Variants in DLG5 observed in about 807,000 individuals in gnomAD.
The protein encoded by DLG5 is disks large homolog 5.
DLG5 carries 48 observed loss-of-function variants against 189.8 expected under a neutral mutation model. The observed-to-expected ratio is 0.25, with a 90% CI of 0.20 to 0.32. The LOEUF (loss-of-function observed/expected upper bound fraction) is 0.32. Ranked by LOEUF, DLG5 falls within the 10% of genes least tolerant of loss-of-function variation. The pLI is 1.00. For synonymous variants in DLG5, 1,016 were observed against 1,054.1 expected (o/e 0.96, Z 0.70); for missense variants, 2,160 against 2,544.7 (o/e 0.85, Z 3.25).
At chr10:77,906,339 A>G (rs1009475382) in intron 1 of DLG5, among the ~76,000 whole-genome samples, 2 of 152,252 alleles carry the variant, frequency 1.3e-5, no homozygotes, top group Non-Finnish European at 2.9e-5. Flanking sequence ...GTTGTGTTCC[A>G]GTATGGATTC....
At chr10:77,935,301 T>G in the DLG5 span, among the ~76,000 whole-genome samples, 2 of 152,090 alleles carry the variant, frequency 1.3e-5, no homozygotes, top group Non-Finnish European at 2.9e-5. Flanking sequence ...CCTACCTGCC[T>G]AGATATTGCC....
rs564493812 is a variant in DLG5 at position 77,911,745 on chromosome 10, C to T, written c.304+14472G>A. On this transcript the variant is annotated intron_variant, in intron 1 of 31. Transcript: ENST00000372391. Reference sequence around the variant, plus strand: ...GGCCACCAGGGCAGCAGCTCTGAGTCAGAGATGGCCATCTCTAATGGCACC... The same window carrying T: ...GGCCACCAGGGCAGCAGCTCTGAGTTAGAGATGGCCATCTCTAATGGCACC... 1.7e-3 allele frequency among the ~76,000 whole-genome samples: 264 copies of T among 152,230 alleles called. 1 individual carries two copies. Among genetic ancestry groups the T allele is most frequent in the African/African-American group, 6.1e-3 (253 of 41,538 alleles).
At chr10:77,814,153 T>A (rs1229675068) in intron 20 of DLG5, among the ~76,000 whole-genome samples, 1 of 151,998 alleles carries the variant, frequency 6.6e-6, no homozygotes, top group Non-Finnish European at 1.5e-5. Context: ...AATTTTTGTA[T>A]TTTTAGTAGA....
chr10:77,796,091 A>G lies in DLG5; in HGVS notation c.5406T>C (p.Thr1802=). The G allele has an allele frequency of 1.9e-6, 3 of 1,614,232 alleles. No individual in the cohort carries two copies. The highest frequency in any genetic ancestry group is 2.5e-6 in the Non-Finnish European group (3 of 1,180,042). ...CTGTGATCTCCTTTATTGACGCCAC[A>G]GTGGTCACATCGAAATGGCCGCTTC... ...KRRSGHFDVT[T]VASIKEITEK... Residue 1802 remains threonine (T), a synonymous_variant, in exon 29 of 32, where the codon ACT becomes ACC. Transcript: ENST00000372391. This position sits in a 1 kb window ranked among gnomAD's most constrained non-coding sequence, Gnocchi z 5.2.
intron 1 of DLG5, chr10:77,869,424 G>A (rs562091484): frequency 2.6e-4 from 134 of 507,418 alleles, no homozygotes; most frequent in African/African-American, 2.1e-3. Flanking sequence ...CTGGGCAGGC[G>A]GGCAGAGGGG....
chr10:77,894,201 C>G (rs973906607), intron 1 of DLG5, among the ~76,000 whole-genome samples: 1 of 152,194 alleles, frequency 6.6e-6, no homozygotes, highest in African/African-American at 2.4e-5. Flanking sequence ...GAGGGGCTAC[C>G]TGTGTGAGCT....
chr10:77,809,426 G>T, intron 24 of DLG5, 121 bp downstream of exon 24: 1 of 1,149,658 alleles, frequency 8.7e-7, no homozygotes, highest in South Asian at 1.5e-5. Context: ...ACAAAAGTCA[G>T]CCCTGACTGG....
At chr10:77,904,097 CTTGAGTCCAAGAGT>C (rs1014796430) in intron 1 of DLG5, among the ~76,000 whole-genome samples, 3 of 152,196 alleles carry the variant, frequency 2.0e-5, no homozygotes, top group Non-Finnish European at 2.9e-5. Context: ...GGGAGGATAA[CTTGAGTCCAAGAGT>C]TTGAGGCTGT....
intron 3 of DLG5, among the ~76,000 whole-genome samples, chr10:77,855,838 G>A (rs540129320): frequency 2.0e-4 from 30 of 152,248 alleles, no homozygotes; most frequent in Non-Finnish European, 4.3e-4. Context: ...CTCCCCTCCA[G>A]ACCTCTACCA....
chr10:77,869,273 T>G, intron 1 of DLG5, 76 bp from the exon 2 acceptor site: 1 of 1,402,984 alleles, frequency 7.1e-7, no homozygotes, highest in Non-Finnish European at 1.0e-6. Context: ...TGATCATCAG[T>G]CAATGCCAGG....
the DLG5 span, among the ~76,000 whole-genome samples, chr10:77,935,994 G>T: frequency 2.6e-5 from 4 of 152,202 alleles, no homozygotes; most frequent in Admixed American, 2.0e-4. Context: ...TTTTAGGAAT[G>T]CTATATCTAT....
chr10:77,903,280 T>C (rs779332246), intron 1 of DLG5, among the ~76,000 whole-genome samples: 5 of 151,666 alleles, frequency 3.3e-5, no homozygotes, highest in Non-Finnish European at 5.9e-5. Context: ...ATACAAAAAT[T>C]AGCCGGGCGT....
At chr10:77,859,554 C>G (rs1589226700) in intron 2 of DLG5, among the ~76,000 whole-genome samples, 2 of 152,208 alleles carry the variant, frequency 1.3e-5, no homozygotes, top group South Asian at 4.1e-4. Flanking sequence ...TTACAACTGG[C>G]TACCGTAGCC....
intron 27 of DLG5, among the ~76,000 whole-genome samples, chr10:77,799,635 G>T (rs1260264025): frequency 1.3e-5 from 2 of 152,142 alleles, no homozygotes; most frequent in East Asian, 1.9e-4. Context: ...TTTGAGATAT[G>T]CTCTTGCTTT....
At chr10:77,871,174 T>G (rs879408872) in intron 1 of DLG5, among the ~76,000 whole-genome samples, 3 of 152,144 alleles carry the variant, frequency 2.0e-5, no homozygotes, top group African/African-American at 4.8e-5. Flanking sequence ...GGGATTAGAT[T>G]TGTTCTTGAT....
At chr10:77,901,114 C>CAAAAAA (rs34724408) in intron 1 of DLG5, among the ~76,000 whole-genome samples, 1 of 52,706 alleles carries the variant, frequency 1.9e-5, no homozygotes, top group African/African-American at 7.3e-5. Flanking sequence ...AACTCCATCT[C>CAAAAAA]AAAAAAAAAA....
chr10:77,853,268 C>A (rs912222820), intron 5 of DLG5, 86 bp downstream of exon 5: 1 of 1,263,106 alleles, frequency 7.9e-7, no homozygotes. Flanking sequence ...GTGCCCGGCC[C>A]AGCATTTACT....
the DLG5 span, among the ~76,000 whole-genome samples, chr10:77,940,636 GA>G: frequency 1.3e-5 from 2 of 151,942 alleles, no homozygotes; most frequent in Admixed American, 6.6e-5. Flanking sequence ...TTCAGGGGAG[GA>G]CCCTGAATCC....
chr10:77,831,314 A>G (rs1057434463), intron 9 of DLG5, among the ~76,000 whole-genome samples: 1 of 152,150 alleles, frequency 6.6e-6, no homozygotes, highest in African/African-American at 2.4e-5. Flanking sequence ...CAGGAGAATT[A>G]CTTGAATCAG....
Sources: allele counts gnomAD v4.1 joint callset (sites outside exome capture counted in the v4.1 genomes callset), GRCh38; gene constraint gnomAD v4.1.1; non-coding constraint Gnocchi (gnomAD v3.1); transcripts MANE v1.5; gene names NCBI Gene and HGNC (gene_info 2026-07-23, HGNC 2026-07-21).